Variants in ZFP64 observed in about 807,000 individuals in gnomAD.
The protein encoded by ZFP64 is zinc finger protein 64.
ZFP64 carries 14 observed loss-of-function variants against 51.6 expected under a neutral mutation model. The ratio of observed to expected loss-of-function variants is 0.27; its 90% confidence interval spans 0.18 to 0.42. The LOEUF (loss-of-function observed/expected upper bound fraction) is 0.42. ZFP64 is among the 10% of genes least tolerant of loss of function. The probability of loss-of-function intolerance (pLI) is 1.00; values close to 1 mark genes in which losing one functional copy is unlikely to be tolerated. For synonymous variants in ZFP64, 375 were observed against 361.4 expected, an observed-to-expected ratio of 1.04 and a Z score of -0.43; for missense variants, 754 against 906.8, an observed-to-expected ratio of 0.83 and a Z score of 2.16.
At chr20:52,156,601 A>T (rs902505579) in intron 5 of ZFP64, among the ~76,000 whole-genome samples, 1 of 152,216 alleles carries the variant, frequency 6.6e-6, no homozygotes, top group Admixed American at 6.5e-5. Context: ...CAGAAAAAGC[A>T]TATTGCATCT....
In ZFP64 at chr20:52,191,413, G is replaced by A. The variant is rs926558252; in HGVS notation, c.46+178C>T. Reference sequence around the variant, plus strand: ...CAGGTCGGGTGCGCCCCCACCCCAAGCCCACTCCGGCGCCCCCTGCACAGC... The same window carrying A: ...CAGGTCGGGTGCGCCCCCACCCCAAACCCACTCCGGCGCCCCCTGCACAGC... On this transcript the variant is annotated intron_variant, in intron 1 of 5. Coordinates refer to ENST00000216923, the MANE Select transcript of ZFP64 (RefSeq NM_018197.3). The surrounding 1 kb of genome is among the most constrained non-coding windows in gnomAD (Gnocchi z 4.3). 1.3e-5 allele frequency among the ~76,000 whole-genome samples: 2 copies of A among 152,040 alleles called. No homozygotes were observed. Among genetic ancestry groups the A allele is most frequent in the Non-Finnish European group, 2.9e-5 (2 of 67,976 alleles).
chr20:52,176,505 C>CTTTTTTTTTTTTT (rs557663780), intron 2 of ZFP64, among the ~76,000 whole-genome samples: 3,313 of 135,680 alleles, frequency 0.024, 133 homozygotes, highest in Non-Finnish European at 0.041. Context: ...TTCAATCTCT[C>CTTTTTTTTTTTTT]TTTTTTTTTT....
chr20:52,157,245 G>T (rs1981392493), intron 5 of ZFP64, among the ~76,000 whole-genome samples: 2 of 152,106 alleles, frequency 1.3e-5, no homozygotes, highest in African/African-American at 2.4e-5. Context: ...CCCACAGAAG[G>T]TTAAATGCCA....
At chr20:52,167,968 T>A (rs545866597) in intron 2 of ZFP64, among the ~76,000 whole-genome samples, 1 of 152,368 alleles carries the variant, frequency 6.6e-6, no homozygotes, top group African/African-American at 2.4e-5. Flanking sequence ...CATAATTTCA[T>A]ATATGATTAA....
At chr20:52,127,082 G>C (rs2122869067) in intron 5 of ZFP64, among the ~76,000 whole-genome samples, 1 of 152,086 alleles carries the variant, frequency 6.6e-6, no homozygotes, top group East Asian at 1.9e-4. Context: ...CTTCTGAGTA[G>C]CTGGGACTAC....
At chr20:52,161,103 C>T (rs373143948) in intron 4 of ZFP64, among the ~76,000 whole-genome samples, 1 of 152,090 alleles carries the variant, frequency 6.6e-6, no homozygotes. Context: ...TGGCTGGTCC[C>T]TAGGACAGAG....
intron 5 of ZFP64, among the ~76,000 whole-genome samples, chr20:52,109,780 C>CAAAAAAA (rs779914417): frequency 6.5e-5 from 3 of 46,124 alleles, no homozygotes; most frequent in Admixed American, 2.4e-4. Context: ...AATTCCACCT[C>CAAAAAAA]AAAAAAAAAA....
intron 5 of ZFP64, among the ~76,000 whole-genome samples, chr20:52,120,635 C>A (rs944833478): frequency 7.8e-6 from 1 of 127,862 alleles, no homozygotes; most frequent in African/African-American, 3.4e-5. Context: ...CAAACTTTAT[C>A]ATTTATTATA....
intron 8 of ZFP64, among the ~76,000 whole-genome samples, chr20:52,086,765 A>G (rs535387963): frequency 1.4e-4 from 21 of 152,284 alleles, no homozygotes; most frequent in African/African-American, 5.1e-4. Context: ...GGCTTGAGCC[A>G]CCGCGCCCGG....
chr20:52,095,125 A>G (rs2078974585), intron 7 of ZFP64, among the ~76,000 whole-genome samples: 1 of 152,216 alleles, frequency 6.6e-6, no homozygotes, highest in South Asian at 2.1e-4. Flanking sequence ...TCCCACTTAC[A>G]ACTGGGTCAG....
intron 5 of ZFP64, among the ~76,000 whole-genome samples, chr20:52,109,648 G>A (rs1465305166): frequency 1.3e-5 from 2 of 151,906 alleles, no homozygotes; most frequent in Non-Finnish European, 2.9e-5. Context: ...GGGTGTGGTG[G>A]CACATGCCTG....
chr20:52,117,100 T>A (rs1390530871), intron 5 of ZFP64, among the ~76,000 whole-genome samples: 1 of 146,858 alleles, frequency 6.8e-6, no homozygotes, highest in Non-Finnish European at 1.5e-5. Flanking sequence ...CACACACAAA[T>A]TATGAATGTT....
At chr20:52,166,119 A>G (rs1290127348) in intron 2 of ZFP64, 94 bp from the exon 3 acceptor site, 2 of 1,340,544 alleles carry the variant, frequency 1.5e-6, no homozygotes. Flanking sequence ...TGCATGTACT[A>G]GTTTGCTTTC....
intron 5 of ZFP64, among the ~76,000 whole-genome samples, chr20:52,139,267 A>G (rs1334472235): frequency 2.6e-5 from 4 of 152,206 alleles, no homozygotes; most frequent in East Asian, 1.9e-4. Context: ...ATGCCCATCA[A>G]TGGTGGGCTG....
chr20:52,145,311 G>T (rs935518226), intron 5 of ZFP64, among the ~76,000 whole-genome samples: 11 of 152,204 alleles, frequency 7.2e-5, no homozygotes, highest in African/African-American at 2.4e-4. Context: ...ATAGGTAATG[G>T]TAACACAATG....
intron 2 of ZFP64, among the ~76,000 whole-genome samples, chr20:52,169,224 G>T (rs1982516741): frequency 6.6e-6 from 1 of 152,170 alleles, no homozygotes; most frequent in Non-Finnish European, 1.5e-5. Context: ...TGTCAACAGG[G>T]ATATATTACA....
intron 2 of ZFP64, among the ~76,000 whole-genome samples, chr20:52,175,056 A>G (rs1983072598): frequency 6.6e-6 from 1 of 151,992 alleles, no homozygotes; most frequent in South Asian, 2.1e-4. Context: ...CATTTTTTCT[A>G]TTGGAATTTT....
intron 5 of ZFP64, among the ~76,000 whole-genome samples, chr20:52,117,152 C>G (rs1450524848): frequency 6.6e-6 from 1 of 152,182 alleles, no homozygotes; most frequent in Non-Finnish European, 1.5e-5. Flanking sequence ...TCCTGATTCA[C>G]ATGTGAAAGT....
At chr20:52,173,126 G>T (rs1267016334) in intron 2 of ZFP64, among the ~76,000 whole-genome samples, 1 of 152,086 alleles carries the variant, frequency 6.6e-6, no homozygotes, top group Non-Finnish European at 1.5e-5. Context: ...GACATCTCAA[G>T]ACAGCTTTGA....
Sources: allele counts gnomAD v4.1 joint callset (sites outside exome capture counted in the v4.1 genomes callset), GRCh38; gene constraint gnomAD v4.1.1; non-coding constraint Gnocchi (gnomAD v3.1); transcripts MANE v1.5; gene names NCBI Gene and HGNC (gene_info 2026-07-23, HGNC 2026-07-21).